Variants in SPATA13 observed in about 807,000 individuals in gnomAD.
SPATA13 encodes spermatogenesis associated 13.
In SPATA13, 50 loss-of-function variants were observed where a neutral mutation model predicts 104.0. The ratio of observed to expected loss-of-function variants is 0.48; its 90% confidence interval spans 0.38 to 0.61. SPATA13 has a LOEUF of 0.61. SPATA13 is among the 20% of genes least tolerant of loss of function. SPATA13 has a pLI of 0.00. For missense variants in SPATA13, 1,524 were observed against 1,690.6 expected (o/e 0.90, Z 1.73); for synonymous variants, 606 against 667.5 (o/e 0.91, Z 1.42).
chr13:24,056,843 C>T (rs953017570), intron 3 of SPATA13, among the ~76,000 whole-genome samples: 7 of 151,800 alleles, frequency 4.6e-5, no homozygotes, highest in African/African-American at 7.3e-5. Context: ...CCCCTCACAT[C>T]GTCCTGCACA....
At position 24,249,519 on chromosome 13, in the gene SPATA13, G is replaced by T; in HGVS notation, c.1696G>T (p.Glu566Ter). The change falls in exon 3 of 13, where the codon GAG (glutamate) becomes TAG (stop). Residue 566 changes from glutamate to a stop codon, truncating the protein, a stop_gained. Transcript: ENST00000382108. LOFTEE classifies it high-confidence loss of function. ...GPWRRSSSQD[E>*]ERTEAQRTPK... Reference sequence around the variant, plus strand: ...CTGGAGGCGAAGCTCATCACAGGATGAGGAAAGGACAGAGGCACAGAGAAC... The same window carrying T: ...CTGGAGGCGAAGCTCATCACAGGATTAGGAAAGGACAGAGGCACAGAGAAC... The T allele has an allele frequency of 1.9e-6, 3 of 1,604,014 alleles. No individual in the cohort carries two copies. The highest frequency in any genetic ancestry group is 2.6e-6 in the Non-Finnish European group (3 of 1,174,984).
chr13:24,078,827 A>AT lies in SPATA13; in HGVS notation c.-112+61127dup, dbSNP rs1593315680. 2.0e-5 allele frequency among the ~76,000 whole-genome samples: 3 copies of AT among 152,162 alleles called. No homozygotes were observed. In the East Asian group the frequency reaches 5.8e-4, roughly 29 times the overall value. On this transcript the variant is annotated intron_variant, in intron 3 of 14. Transcript: ENST00000424834. Reference sequence around the variant, plus strand: ...GGCTTGCTCATTCATTTATTCATTCATCCCCCCATTCAGTCAATGACTAAA... The same window carrying AT: ...GGCTTGCTCATTCATTTATTCATTCATTCCCCCCATTCAGTCAATGACTAAA...
chr13:24,297,150 C>T (rs539647132), intron 10 of SPATA13, among the ~76,000 whole-genome samples: 57 of 152,190 alleles, frequency 3.7e-4, no homozygotes, highest in Middle Eastern at 3.4e-3. Flanking sequence ...GGGATCCTCC[C>T]GCTTCAGCCT....
intron 3 of SPATA13, among the ~76,000 whole-genome samples, chr13:24,061,807 C>T (rs1028698): frequency 0.16 from 23,575 of 151,308 alleles, 2,221 homozygotes; most frequent in East Asian, 0.37. Flanking sequence ...ATCTTTACAA[C>T]AAACTCCTGA....
intron 2 of SPATA13, among the ~76,000 whole-genome samples, chr13:24,249,248 TATCAGCCTAGA>T (rs1873336609): frequency 6.6e-6 from 1 of 152,250 alleles, no homozygotes; most frequent in African/African-American, 2.4e-5. Flanking sequence ...GTTATTGAAA[TATCAGCCTAGA>T]ATCAGCCTAT....
intron 2 of SPATA13, among the ~76,000 whole-genome samples, chr13:23,994,002 A>G (rs1326434941): frequency 1.4e-5 from 2 of 146,962 alleles, no homozygotes; most frequent in African/African-American, 5.0e-5. Context: ...TTTTTTTGAC[A>G]AGTAACAAGG....
At chr13:24,149,517 C>A (rs1882034247) in intron 3 of SPATA13, among the ~76,000 whole-genome samples, 1 of 152,108 alleles carries the variant, frequency 6.6e-6, no homozygotes, top group Admixed American at 6.5e-5. Flanking sequence ...AGAGACAATC[C>A]CTGGTTGACT....
chr13:24,031,616 T>C (rs1234971240), intron 3 of SPATA13, among the ~76,000 whole-genome samples: 1 of 152,222 alleles, frequency 6.6e-6, no homozygotes, highest in Non-Finnish European at 1.5e-5. Flanking sequence ...TACCACAGAA[T>C]AGGTCAAACA....
chr13:24,129,251 A>G (rs960637088), intron 3 of SPATA13, among the ~76,000 whole-genome samples: 6 of 152,224 alleles, frequency 3.9e-5, no homozygotes, highest in Non-Finnish European at 7.3e-5. Context: ...GGAGCAGCCA[A>G]CCATCAAAGT....
At chr13:24,173,749 T>C (rs1461296161) in intron 1 of SPATA13, among the ~76,000 whole-genome samples, 3 of 152,200 alleles carry the variant, frequency 2.0e-5, no homozygotes, top group African/African-American at 7.2e-5. Flanking sequence ...CCTGTTAATA[T>C]GCTGGATTAC....
intron 9 of SPATA13, among the ~76,000 whole-genome samples, chr13:24,291,225 G>A (rs976966404): frequency 6.6e-6 from 1 of 152,172 alleles, no homozygotes; most frequent in Non-Finnish European, 1.5e-5. Context: ...GACGGTTTCT[G>A]AGGGAAACAG....
rs1876821914 is a variant in SPATA13, at chr13:24,296,896, G to A, written c.3211-467G>A. On this transcript the variant is annotated intron_variant, in intron 10 of 12. Transcript: ENST00000382108. Reference sequence around the variant, plus strand: ...ATAACCTTTGAGGCCCTGCCCACCTGTGAATGGGGACAGGTGGTAGGCAGC... The same window carrying A: ...ATAACCTTTGAGGCCCTGCCCACCTATGAATGGGGACAGGTGGTAGGCAGC... 2.6e-5 allele frequency among the ~76,000 whole-genome samples: 4 copies of A among 152,162 alleles called. No individual in the cohort carries two copies. In the South Asian group the frequency reaches 8.3e-4, roughly 32 times the overall value.
chr13:24,141,097 C>A (rs1262517665), intron 3 of SPATA13, among the ~76,000 whole-genome samples: 1 of 151,862 alleles, frequency 6.6e-6, no homozygotes, highest in African/African-American at 2.4e-5. Context: ...ATTGCTTGAA[C>A]CCGGGAGGCA....
chr13:23,989,968 C>T (rs1483088180), intron 2 of SPATA13, among the ~76,000 whole-genome samples: 2 of 152,168 alleles, frequency 1.3e-5, no homozygotes, highest in African/African-American at 4.8e-5. Flanking sequence ...TTTGACTTCC[C>T]AGCCTCCAGA....
chr13:24,006,675 G>A (rs1876248185), intron 2 of SPATA13, among the ~76,000 whole-genome samples: 1 of 152,190 alleles, frequency 6.6e-6, no homozygotes, highest in Non-Finnish European at 1.5e-5. Context: ...GCACGGCTAT[G>A]GTCCCATTTT....
chr13:24,112,437 A>G (rs553262981), intron 3 of SPATA13, among the ~76,000 whole-genome samples: 2 of 152,302 alleles, frequency 1.3e-5, no homozygotes, highest in African/African-American at 4.8e-5. Context: ...AGCTCAGTAT[A>G]CACTGTGCTT....
chr13:24,157,324 A>C (rs933801978), upstream of SPATA13, among the ~76,000 whole-genome samples: 1 of 151,858 alleles, frequency 6.6e-6, no homozygotes, highest in Non-Finnish European at 1.5e-5. Context: ...TTTGAGATGG[A>C]GTCTCGCTCT....
intron 4 of SPATA13, chr13:24,254,436 G>C (rs910356814): frequency 2.6e-5 from 4 of 152,308 alleles, no homozygotes; most frequent in Non-Finnish European, 4.4e-5. Context: ...GGCAACTTCT[G>C]GGTGTGTCTC....
intron 3 of SPATA13, among the ~76,000 whole-genome samples, chr13:24,095,272 T>G (rs1480216243): frequency 6.6e-6 from 1 of 152,196 alleles, no homozygotes; most frequent in Non-Finnish European, 1.5e-5. Flanking sequence ...ATAACACAGA[T>G]GAATGTCAAG....
Sources: gnomAD v4.1 joint callset for allele counts (sites outside exome capture counted in the v4.1 genomes callset) on GRCh38, gnomAD v4.1.1 for gene constraint, MANE v1.5 for transcripts, NCBI Gene and HGNC (gene_info 2026-07-23, HGNC 2026-07-21) for gene names.